Variants in FBXO31 observed in about 807,000 individuals in gnomAD.
The protein encoded by FBXO31 is F-box protein 31, also known as F-box only protein 31.
A neutral mutation model predicts 54.4 loss-of-function variants in FBXO31; 24 were observed. The observed-to-expected ratio is 0.44, with a 90% CI of 0.32 to 0.62. The LOEUF (loss-of-function observed/expected upper bound fraction) is 0.62. FBXO31 is among the 20% of genes least tolerant of loss of function. FBXO31 has a pLI of 0.05. For synonymous variants in FBXO31, 388 were observed against 335.6 expected (o/e 1.16, Z -1.71); for missense variants, 665 against 787.1 (o/e 0.84, Z 1.86).
upstream of FBXO31, chr16:87,384,035 G>C (rs1011851306): frequency 6.4e-5 from 12 of 187,092 alleles, no homozygotes; most frequent in Non-Finnish European, 1.1e-5. Flanking sequence ...CCCGTGTGAG[G>C]CTCGAACTCA....
In FBXO31 at chr16:87,345,838, G is replaced by A; in HGVS notation, c.489+1336C>T. Among the ~76,000 whole-genome samples, 1 of 152,196 alleles carries A rather than the reference G, an allele frequency of 6.6e-6. No individual in the cohort carries two copies. The highest frequency in any genetic ancestry group is 1.5e-5 in the Non-Finnish European group (1 of 68,032). On this transcript the variant is annotated intron_variant, in intron 3 of 8. Coordinates refer to ENST00000311635, the MANE Select transcript of FBXO31 (RefSeq NM_024735.5). This position sits in a 1 kb window ranked among gnomAD's most constrained non-coding sequence, Gnocchi z 4.9. ...TGGCTGGGGAGGAAGGCCCATGTCT[G>A]GCACCTGCAGGCTGGAGAGGCACAC...
chr16:87,341,655 C>CAAAAAAAA (rs397854967), intron 5 of FBXO31, among the ~76,000 whole-genome samples: 1 of 70,680 alleles, frequency 1.4e-5, no homozygotes. Flanking sequence ...GACTCCGTCT[C>CAAAAAAAA]AAAAAAAAAA....
chr16:87,367,134 C>T (rs575070145), intron 1 of FBXO31: 6 of 152,210 alleles, frequency 3.9e-5, no homozygotes, highest in African/African-American at 1.4e-4. Context: ...CAAGCCACTG[C>T]ACTCCAGCCT....
At chr16:87,364,617 C>T (rs1433806096) in intron 1 of FBXO31, among the ~76,000 whole-genome samples, 1 of 152,140 alleles carries the variant, frequency 6.6e-6, no homozygotes, top group Non-Finnish European at 1.5e-5. Flanking sequence ...GACGCGTCAC[C>T]CCAGGCCACA....
chr16:87,329,053 G>T lies in FBXO31; in HGVS notation c.*2235C>A, dbSNP rs1904748377. The T allele has an allele frequency of 6.6e-6, 1 of 152,278 alleles. No homozygotes were observed. The highest frequency in any genetic ancestry group is 6.5e-5 in the Admixed American group (1 of 15,288). 9.4% of individuals were successfully genotyped at this position (152,278 alleles called of 1,614,324 possible). ...TTTGAGGCGCGCAGATTCAGTGCCT[G>T]TCCCTACAGAACCGGAGCCAAGAAC... On this transcript the variant is annotated 3_prime_UTR_variant, in exon 9 of 9. Coordinates refer to ENST00000311635, the MANE Select transcript of FBXO31 (RefSeq NM_024735.5).
At chr16:87,365,144 C>G (rs1180754955) in intron 1 of FBXO31, among the ~76,000 whole-genome samples, 1 of 148,764 alleles carries the variant, frequency 6.7e-6, no homozygotes, top group Non-Finnish European at 1.5e-5. Context: ...GAGATTCAAA[C>G]TGGGAGTAGA....
intron 2 of FBXO31, among the ~76,000 whole-genome samples, chr16:87,348,054 G>A (rs1567618580): frequency 1.3e-5 from 2 of 152,160 alleles, no homozygotes; most frequent in African/African-American, 2.4e-5. Flanking sequence ...CCTCGAAGCT[G>A]CCCCTGGGCC....
At chr16:87,362,986 G>A (rs1906201792) in intron 1 of FBXO31, among the ~76,000 whole-genome samples, 1 of 152,206 alleles carries the variant, frequency 6.6e-6, no homozygotes, top group South Asian at 2.1e-4. Context: ...CAGGGATGAG[G>A]AGCTGACATG....
rs552816266 is a variant in FBXO31 at position 87,370,549 on chromosome 16, G to A, written c.341-10183C>T. On this transcript the variant is annotated intron_variant, in intron 1 of 8. Coordinates refer to ENST00000311635, the MANE Select transcript of FBXO31 (RefSeq NM_024735.5). ...GTAGGGCTGCGCCAGCCACCGGGCCGCCAGACCCAGGGGAATAGGAGCCTG... is the reference window on the plus strand; with the variant it reads ...GTAGGGCTGCGCCAGCCACCGGGCCACCAGACCCAGGGGAATAGGAGCCTG... Among the ~76,000 whole-genome samples, 7 of 152,262 alleles carry A rather than the reference G, an allele frequency of 4.6e-5. No individual in the cohort carries two copies. In the East Asian group the frequency reaches 9.7e-4, roughly 21 times the overall value.
At chr16:87,332,031 C>G (rs1904877676) in intron 8 of FBXO31, among the ~76,000 whole-genome samples, 2 of 152,232 alleles carry the variant, frequency 1.3e-5, no homozygotes, top group East Asian at 1.9e-4. Context: ...AGGTCAACAT[C>G]AGACAGGAAG....
intron 1 of FBXO31, among the ~76,000 whole-genome samples, chr16:87,370,083 G>A (rs1443545027): frequency 6.6e-6 from 1 of 152,208 alleles, no homozygotes; most frequent in Non-Finnish European, 1.5e-5. Flanking sequence ...GCACAGGCCT[G>A]AATGGGGCCT....
intron 1 of FBXO31, among the ~76,000 whole-genome samples, chr16:87,366,454 G>A (rs1021369323): frequency 6.6e-6 from 1 of 152,212 alleles, no homozygotes; most frequent in Non-Finnish European, 1.5e-5. Context: ...GGTGAAGAGA[G>A]CGGGCAAGAT....
rs1038269422 is a variant in FBXO31, at chr16:87,358,419, T to C, written c.412+1876A>G. On this transcript the variant is annotated intron_variant, in intron 2 of 8. Transcript: ENST00000311635. This position sits in a 1 kb window ranked among gnomAD's most constrained non-coding sequence, Gnocchi z 4.0. ...TCGCAGGAGGTACATACGGCAGGTG[T>C]AAACGTCTCTGTACGCCATGTGCTC... is the stretch of plus-strand genomic sequence containing the variant. 9 of 152,776 alleles carry C rather than the reference T, an allele frequency of 5.9e-5. No individual in the cohort carries two copies. The highest frequency in any genetic ancestry group is 2.2e-4 in the African/African-American group (9 of 41,582). 9.5% of individuals were successfully genotyped at this position (152,776 alleles called of 1,614,324 possible). A position where few individuals can be genotyped will look rare whatever the true frequency, so the allele number is the denominator to read the frequency against.
chr16:87,352,251 C>T (rs1293972366), intron 2 of FBXO31, among the ~76,000 whole-genome samples: 4 of 152,162 alleles, frequency 2.6e-5, no homozygotes, highest in African/African-American at 9.7e-5. Flanking sequence ...AACAACTACA[C>T]AGGAAAACCA....
At chr16:87,361,733 T>C (rs1402124666) in intron 1 of FBXO31, among the ~76,000 whole-genome samples, 1 of 152,116 alleles carries the variant, frequency 6.6e-6, no homozygotes, top group Non-Finnish European at 1.5e-5. Context: ...CTTCTCTAAC[T>C]GGAAGCACTG....
At chr16:87,339,138 G>A (rs997036304) in intron 5 of FBXO31, among the ~76,000 whole-genome samples, 1 of 152,204 alleles carries the variant, frequency 6.6e-6, no homozygotes, top group Non-Finnish European at 1.5e-5. Context: ...TTTATCAGCA[G>A]CGTGAAAATG....
intron 2 of FBXO31, among the ~76,000 whole-genome samples, chr16:87,352,045 C>G (rs1397880329): frequency 6.6e-6 from 1 of 152,124 alleles, no homozygotes; most frequent in Non-Finnish European, 1.5e-5. Context: ...GGGTGGGGGG[C>G]CCCTGTCAGG....
At chr16:87,387,600 G>C (rs1567494384), upstream of FBXO31, among the ~76,000 whole-genome samples, 1 of 152,190 alleles carries the variant, frequency 6.6e-6, no homozygotes, top group East Asian at 1.9e-4. Flanking sequence ...CATGAGGTCA[G>C]ATCGAGACCA....
chr16:87,345,512 T>A lies in FBXO31; in HGVS notation c.489+1662A>T, dbSNP rs1905347711. ...TCACTGTGTTGAATGAGCAGCTACTTTTCAACATAAATTGGCAGGTGACCG... is the reference window on the plus strand; with the variant it reads ...TCACTGTGTTGAATGAGCAGCTACTATTCAACATAAATTGGCAGGTGACCG... On this transcript the variant is annotated intron_variant, in intron 3 of 8. Coordinates refer to ENST00000311635, the MANE Select transcript of FBXO31 (RefSeq NM_024735.5). The surrounding 1 kb of genome is among the most constrained non-coding windows in gnomAD (Gnocchi z 4.9). 1.3e-5 allele frequency among the ~76,000 whole-genome samples: 2 copies of A among 152,042 alleles called. No individual in the cohort carries two copies. Among genetic ancestry groups the A allele is most frequent in the South Asian group, 4.2e-4 (2 of 4,814 alleles).
Sources: allele counts gnomAD v4.1 joint callset (sites outside exome capture counted in the v4.1 genomes callset), GRCh38; gene constraint gnomAD v4.1.1; non-coding constraint Gnocchi (gnomAD v3.1); transcripts MANE v1.5; gene names NCBI Gene and HGNC (gene_info 2026-07-23, HGNC 2026-07-21).